TEKT2: variants seen among roughly 807,000 people sequenced by gnomAD.
The protein encoded by TEKT2 is tektin-2.
Under a neutral mutation model 49.8 loss-of-function variants are expected in TEKT2, and 45 were observed. That is an observed-to-expected ratio of 0.90 (90% CI 0.71 to 1.16). The LOEUF is 1.16. Among genes scored for constraint, TEKT2 ranks in the 50% most tolerant of loss-of-function variants. TEKT2 has a pLI of 0.00. For synonymous variants in TEKT2, 202 were observed against 224.6 expected (o/e 0.90, Z 0.90); for missense variants, 523 against 551.4 (o/e 0.95, Z 0.52).
rs772426066 is a variant in TEKT2, at chr1:36,088,077, G to A, written c.1184G>A (p.Arg395His). The change falls in exon 10 of 10, where the codon CGC becomes CAC. Residue 395 changes from arginine to histidine, a missense_variant. Coordinates refer to ENST00000207457, the MANE Select transcript of TEKT2 (RefSeq NM_014466.3). Reference protein sequence around the residue: ...LLDTKCMDTRRKLTVPAERFV... With the variant: ...LLDTKCMDTRHKLTVPAERFV... ...GACACCAAGTGCATGGACACACGGC[G>A]CAAGCTGACCGTGCCTGCTGAGAGG... 25 of 1,612,914 alleles carry A rather than the reference G, an allele frequency of 1.5e-5. No homozygotes were observed. The East Asian group carries it at 1.6e-4, about 10-fold the overall frequency.
rs368518219 is a variant in TEKT2, at chr1:36,087,036, T to A, written c.738T>A (p.Thr246=). ...ATELREATAL[T]IAETNNELEA... ...AGCTGAGGGAGGCCACTGCTCTAAC[T>A]ATTGCTGAGGTGACAGGCCACCCAC... The change falls in exon 6 of 10, where the codon ACT becomes ACA. Residue 246 remains threonine, a synonymous_variant. Transcript: ENST00000207457. The surrounding 1 kb of genome is among the most constrained non-coding windows in gnomAD (Gnocchi z 4.9). 1.6e-5 allele frequency: 26 copies of A among 1,613,894 alleles called. No individual in the cohort carries two copies. The African/African-American group carries it at 2.5e-4, about 16-fold the overall frequency.
rs1482430733 is a variant in TEKT2 at position 36,084,993 on chromosome 1, A to C, written c.72A>C (p.Leu24=). The C allele has an allele frequency of 2.5e-6, 4 of 1,614,046 alleles. No individual in the cohort carries two copies. The change falls in exon 2 of 10, where the codon CTA becomes CTC. Residue 24 remains leucine (L), a synonymous_variant. Transcript: ENST00000207457. The surrounding 1 kb of genome is among the most constrained non-coding windows in gnomAD (Gnocchi z 4.1). ...LPDWHTNSYL[L]STNAQLQRDA... Reference sequence around the variant, plus strand: ...ACTGGCACACTAACAGCTACCTGCTATCCACCAATGCCCAGCTGCAGCGAG... The same window carrying C: ...ACTGGCACACTAACAGCTACCTGCTCTCCACCAATGCCCAGCTGCAGCGAG...
Position 36,088,186 on chromosome 1 carries a change from G to C in TEKT2, c.1293G>C (p.Ter431TyrextTer?). 1 of 1,610,152 alleles carries C rather than the reference G, an allele frequency of 6.2e-7. No homozygotes were observed. The highest frequency in any genetic ancestry group is 1.3e-5 in the African/African-American group (1 of 74,966). ...PLKSCQLELA* is the reference protein window; with the variant it reads ...PLKSCQLELAY Reference sequence around the variant, plus strand: ...AAAGCTGCCAGCTGGAGCTGGCCTAGCCTTGGAGGACTGCAGGAGGAGGGC... The same window carrying C: ...AAAGCTGCCAGCTGGAGCTGGCCTACCCTTGGAGGACTGCAGGAGGAGGGC... The change falls in exon 10 of 10, where the codon TAG (stop) becomes TAC (tyrosine). Residue 431 changes from the stop codon to tyrosine, a stop_lost. Coordinates refer to ENST00000207457, the MANE Select transcript of TEKT2 (RefSeq NM_014466.3).
chr1:36,086,395 G>T (rs1388777991), intron 4 of TEKT2, among the ~76,000 whole-genome samples: 2 of 152,142 alleles, frequency 1.3e-5, no homozygotes, highest in African/African-American at 2.4e-5. Flanking sequence ...GCTCATGGGG[G>T]TCAGCATTTC....
chr1:36,087,536 T>C lies in TEKT2; in HGVS notation c.953T>C (p.Leu318Pro). ...AGCCTGAAGCTGTCCCATACCCGGC[T>C]AGAGGCCAGAACCTACCGGCCCAAC... ...LLSLKLSHTR[L>P]EARTYRPNVE... Residue 318 changes from leucine to proline, a missense_variant, in exon 8 of 10, where the codon CTA becomes CCA. Leu to Pro is a moderately conservative substitution (Grantham distance 98). Coordinates refer to ENST00000207457, the MANE Select transcript of TEKT2 (RefSeq NM_014466.3). This position sits in a 1 kb window ranked among gnomAD's most constrained non-coding sequence, Gnocchi z 4.9. 6.2e-7 allele frequency: 1 copy of C among 1,613,822 alleles called. No homozygotes were observed. The highest frequency in any genetic ancestry group is 8.5e-7 in the Non-Finnish European group (1 of 1,180,018).
intron 3 of TEKT2, 172 bp from the exon 4 acceptor site, chr1:36,085,664 C>A (rs539566618): frequency 4.3e-6 from 3 of 702,732 alleles, no homozygotes; most frequent in African/African-American, 3.7e-5. Flanking sequence ...GGACTACAGG[C>A]GTGCGCCATC....
In TEKT2 at chr1:36,088,172, C is replaced by G. The variant is rs765123768; in HGVS notation, c.1279C>G (p.Leu427Val). 6.4e-7 allele frequency: 1 copy of G among 1,570,016 alleles called. No individual in the cohort carries two copies. The highest frequency in any genetic ancestry group is 8.7e-7 in the Non-Finnish European group (1 of 1,154,810). Residue 427 changes from leucine to valine, a missense_variant, in exon 10 of 10, where the codon CTG (leucine) becomes GTG (valine). By Grantham distance (32) the Leu-to-Val change is conservative. Coordinates refer to ENST00000207457, the MANE Select transcript of TEKT2 (RefSeq NM_014466.3). ...CCTGAGTCCACTCAAAAGCTGCCAGCTGGAGCTGGCCTAGCCTTGGAGGAC... is the reference window on the plus strand; with the variant it reads ...CCTGAGTCCACTCAAAAGCTGCCAGGTGGAGCTGGCCTAGCCTTGGAGGAC... ...STLSPLKSCQ[L>V]ELA
At position 36,084,258 on chromosome 1, in the gene TEKT2, G is replaced by A. The variant is rs1384842336; in HGVS notation, c.-53+109G>A. The A allele has an allele frequency of 1.3e-5, 2 of 155,198 alleles. No homozygotes were observed. Among genetic ancestry groups the A allele is most frequent in the Admixed American group, 6.3e-5 (1 of 15,926 alleles). 9.6% of individuals were successfully genotyped at this position (155,198 alleles called of 1,614,324 possible). A position where few individuals can be genotyped will look rare whatever the true frequency, so the allele number is the denominator to read the frequency against. On this transcript the variant is annotated intron_variant, in intron 1 of 9. Coordinates refer to ENST00000207457, the MANE Select transcript of TEKT2 (RefSeq NM_014466.3). The surrounding 1 kb of genome is among the most constrained non-coding windows in gnomAD (Gnocchi z 4.1). ...GGAGGGGAAGAAAGGGGTTTGACGG[G>A]GAACCGGACTGACCCCAGCTCTTCC... is the stretch of plus-strand genomic sequence containing the variant.
intron 3 of TEKT2, 90 bp downstream of exon 3, chr1:36,085,378 C>T: frequency 5.0e-6 from 8 of 1,589,298 alleles, no homozygotes; most frequent in Non-Finnish European, 6.8e-6. Flanking sequence ...GATGGGGGGT[C>T]ATGAGTGGCA....
Position 36,084,552 on chromosome 1 carries a change from C to A in TEKT2, c.-52-318C>A. The A allele has an allele frequency of 2.7e-6, 1 of 372,984 alleles. No homozygotes were observed. Among genetic ancestry groups the A allele is most frequent in the Non-Finnish European group, 5.0e-6 (1 of 198,282 alleles). 23.1% of individuals were successfully genotyped at this position (372,984 alleles called of 1,614,324 possible). ...GCAGGTGTGGAAAATGCATTAAGGGCAATTTTTTTCTGCCATCCGCCTACC... is the reference window on the plus strand; with the variant it reads ...GCAGGTGTGGAAAATGCATTAAGGGAAATTTTTTTCTGCCATCCGCCTACC... On this transcript the variant is annotated intron_variant, in intron 1 of 9. Transcript: ENST00000207457. The surrounding 1 kb of genome is among the most constrained non-coding windows in gnomAD (Gnocchi z 4.1).
intron 3 of TEKT2, 69 bp from the exon 4 acceptor site, chr1:36,085,767 A>T: frequency 6.7e-7 from 1 of 1,500,260 alleles, no homozygotes; most frequent in Non-Finnish European, 9.1e-7. Flanking sequence ...TGTTCCATCC[A>T]ACTCGGCCTC....
In TEKT2 at chr1:36,084,946, A is replaced by G; in HGVS notation, c.25A>G (p.Ser9Gly). ...CATGGCCACGCTGAGCGTCAAGCCA[A>G]GTCGGCGCTTCCAGCTGCCCGACTG... MATLSVKP[S>G]RRFQLPDWHT... The change falls in exon 2 of 10, where the codon AGT becomes GGT. Residue 9 changes from serine to glycine, a missense_variant. By Grantham distance (56) the Ser-to-Gly change is moderately conservative. Transcript: ENST00000207457. This position sits in a 1 kb window ranked among gnomAD's most constrained non-coding sequence, Gnocchi z 4.1. 6.2e-7 allele frequency: 1 copy of G among 1,614,098 alleles called. No individual in the cohort carries two copies. The highest frequency in any genetic ancestry group is 2.2e-5 in the East Asian group (1 of 44,888).
rs1343316182 is a variant in TEKT2 at position 36,084,550 on chromosome 1, G to C, written c.-52-320G>C. The C allele has an allele frequency of 2.7e-6, 1 of 371,842 alleles. No homozygotes were observed. The highest frequency in any genetic ancestry group is 5.1e-6 in the Non-Finnish European group (1 of 197,504). The allele number at this position is 371,842 out of a possible 1,614,324, so 23.0% of individuals were successfully genotyped here. A position where few individuals can be genotyped will look rare whatever the true frequency, so the allele number is the denominator to read the frequency against. On this transcript the variant is annotated intron_variant, in intron 1 of 9. Coordinates refer to ENST00000207457, the MANE Select transcript of TEKT2 (RefSeq NM_014466.3). The surrounding 1 kb of genome is among the most constrained non-coding windows in gnomAD (Gnocchi z 4.1). ...GGGCAGGTGTGGAAAATGCATTAAG[G>C]GCAATTTTTTTCTGCCATCCGCCTA...
Position 36,084,535 on chromosome 1 carries a change from G to A in TEKT2, c.-52-335G>A. On this transcript the variant is annotated intron_variant, in intron 1 of 9. Coordinates refer to ENST00000207457, the MANE Select transcript of TEKT2 (RefSeq NM_014466.3). The surrounding 1 kb of genome is among the most constrained non-coding windows in gnomAD (Gnocchi z 4.1). ...GGCATGGTTGGCTGGGGGCAGGTGT[G>A]GAAAATGCATTAAGGGCAATTTTTT... 5.8e-6 allele frequency: 2 copies of A among 344,492 alleles called. No individual in the cohort carries two copies. The highest frequency in any genetic ancestry group is 5.5e-6 in the Non-Finnish European group (1 of 181,060). The allele number at this position is 344,492 out of a possible 1,614,324, so 21.3% of individuals were successfully genotyped here. A position where few individuals can be genotyped will look rare whatever the true frequency, so the allele number is the denominator to read the frequency against.
rs1338661505 is a variant in TEKT2 at position 36,087,031 on chromosome 1, C to A, written c.733C>A (p.Leu245Ile). The A allele has an allele frequency of 6.2e-7, 1 of 1,613,522 alleles. No individual in the cohort carries two copies. The highest frequency in any genetic ancestry group is 8.5e-7 in the Non-Finnish European group (1 of 1,179,734). ...AATELREATA[L>I]TIAETNNELE... The stretch of plus-strand genomic sequence containing the variant: ...CACAGAGCTGAGGGAGGCCACTGCT[C>A]TAACTATTGCTGAGGTGACAGGCCA... Residue 245 changes from leucine to isoleucine, a missense_variant, in exon 6 of 10, where the codon CTA becomes ATA. Leu to Ile is a conservative substitution (Grantham distance 5). Coordinates refer to ENST00000207457, the MANE Select transcript of TEKT2 (RefSeq NM_014466.3). The surrounding 1 kb of genome is among the most constrained non-coding windows in gnomAD (Gnocchi z 4.9).
rs747821045 is a variant in TEKT2 at position 36,087,806 on chromosome 1, C to T, written c.1078C>T (p.Gln360Ter). ...CCTGAAGCAGAAGCTGGCGCAAGCACAGTAGGTCTCGGGAGTGGGCGGAAG... is the reference window on the plus strand; with the variant it reads ...CCTGAAGCAGAAGCTGGCGCAAGCATAGTAGGTCTCGGGAGTGGGCGGAAG... ...AALKQKLAQAQDALDALCKHL... is the reference protein window; with the variant it reads ...AALKQKLAQA The change falls in exon 9 of 10, where the codon CAG becomes TAG. Residue 360 changes from glutamine to a stop codon, truncating the protein, a stop_gained and splice_region_variant. Coordinates refer to ENST00000207457, the MANE Select transcript of TEKT2 (RefSeq NM_014466.3). LOFTEE classifies it high-confidence loss of function. The surrounding 1 kb of genome is among the most constrained non-coding windows in gnomAD (Gnocchi z 4.9). The T allele has an allele frequency of 1.9e-6, 3 of 1,613,690 alleles. No homozygotes were observed. In the South Asian group the frequency reaches 3.3e-5, roughly 18 times the overall value.
rs751771429 is a variant in TEKT2 at position 36,084,973 on chromosome 1, C to T, written c.52C>T (p.His18Tyr). 21 of 1,613,968 alleles carry T rather than the reference C, an allele frequency of 1.3e-5. 1 individual carries two copies. In the South Asian group the frequency reaches 2.2e-4, roughly 17 times the overall value. The change falls in exon 2 of 10, where the codon CAC becomes TAC. Residue 18 changes from histidine to tyrosine, a missense_variant. Coordinates refer to ENST00000207457, the MANE Select transcript of TEKT2 (RefSeq NM_014466.3). The surrounding 1 kb of genome is among the most constrained non-coding windows in gnomAD (Gnocchi z 4.1). ...PSRRFQLPDW[H>Y]TNSYLLSTNA... ...TCGGCGCTTCCAGCTGCCCGACTGGCACACTAACAGCTACCTGCTATCCAC... is the reference window on the plus strand; with the variant it reads ...TCGGCGCTTCCAGCTGCCCGACTGGTACACTAACAGCTACCTGCTATCCAC...
At position 36,087,995 on chromosome 1, in the gene TEKT2, A is replaced by G. The variant is rs757967144; in HGVS notation, c.1102A>G (p.Lys368Glu). 1.9e-6 allele frequency: 3 copies of G among 1,611,380 alleles called. No homozygotes were observed. The highest frequency in any genetic ancestry group is 2.5e-6 in the Non-Finnish European group (3 of 1,179,352). ...QAQDALDALC[K>E]HLARLQADIA... ...TAGGGACGCACTGGACGCCCTGTGC[A>G]AGCACCTGGCCCGGCTGCAGGCTGA... Residue 368 changes from lysine (K) to glutamate (E), a missense_variant, in exon 10 of 10, where the codon AAG (lysine) becomes GAG (glutamate). Coordinates refer to ENST00000207457, the MANE Select transcript of TEKT2 (RefSeq NM_014466.3). The surrounding 1 kb of genome is among the most constrained non-coding windows in gnomAD (Gnocchi z 4.9).
In TEKT2 at chr1:36,087,436, C is replaced by T. The variant is rs201310093; in HGVS notation, c.856-3C>T. 284 of 1,613,846 alleles carry T rather than the reference C, an allele frequency of 1.8e-4. No homozygotes were observed. Among genetic ancestry groups the T allele is most frequent in the Non-Finnish European group, 2.1e-4 (252 of 1,180,030 alleles). On this transcript the variant is annotated splice_region_variant and splice_polypyrimidine_tract_variant and intron_variant, in intron 7 of 9. Coordinates refer to ENST00000207457, the MANE Select transcript of TEKT2 (RefSeq NM_014466.3). The surrounding 1 kb of genome is among the most constrained non-coding windows in gnomAD (Gnocchi z 4.9). ...TGGAAACCAGTCACTCTGTCCCCTG[C>T]AGACCTTGGAGGAGATCGCTGAGCT...
Sources: gnomAD v4.1 joint callset for allele counts (sites outside exome capture counted in the v4.1 genomes callset) on GRCh38, gnomAD v4.1.1 for gene constraint, Gnocchi (gnomAD v3.1) non-coding constraint, MANE v1.5 for transcripts, NCBI Gene and HGNC (gene_info 2026-07-23, HGNC 2026-07-21) for gene names.